ZNF697: variants seen among roughly 807,000 people sequenced by gnomAD.
ZNF697 encodes zinc finger protein 697.
ZNF697 carries 23 observed loss-of-function variants against 32.4 expected under a neutral mutation model. The ratio of observed to expected loss-of-function variants is 0.71; its 90% CI spans 0.51 to 1.01. The LOEUF (loss-of-function observed/expected upper bound fraction) is 1.01. Ranked by LOEUF, ZNF697 falls within the 50% of genes least tolerant of loss-of-function variation. The probability of loss-of-function intolerance (pLI) is 0.00; values close to 1 mark genes in which losing one functional copy is unlikely to be tolerated. For missense variants in ZNF697, 930 were observed against 794.0 expected (o/e 1.17, Z -2.06); for synonymous variants, 418 against 337.2 (o/e 1.24, Z -2.62).
At chr1:119,639,315 T>A (rs1649003686) in intron 1 of ZNF697, among the ~76,000 whole-genome samples, 1 of 152,204 alleles carries the variant, frequency 6.6e-6, no homozygotes, top group Admixed American at 6.5e-5. Context: ...ATGTCACTAC[T>A]GCATCAATCT....
rs200668798 is a variant in ZNF697 at position 119,623,993 on chromosome 1, C to A, written c.350G>T (p.Arg117Leu). The A allele has an allele frequency of 8.1e-6, 13 of 1,612,222 alleles. No individual in the cohort carries two copies. In the Admixed American group the frequency reaches 2.2e-4, roughly 27 times the overall value. ...CCCAGCACTCTCGTCGTCGTCCTCC[C>A]GGAGGCTCCGGGATATGCTGTCAGA... ...SESDSISRSL[R>L]EDDDESAGEN... The change falls in exon 3 of 3, where the codon CGG becomes CTG. Residue 117 changes from arginine (R) to leucine (L), a missense_variant. Coordinates refer to ENST00000421812, the MANE Select transcript of ZNF697 (RefSeq NM_001080470.2).
Position 119,623,458 on chromosome 1 carries a change from G to C in ZNF697, c.885C>G (p.Gly295=). 1 of 1,560,016 alleles carries C rather than the reference G, an allele frequency of 6.4e-7. No homozygotes were observed. Among genetic ancestry groups the C allele is most frequent in the Non-Finnish European group, 8.7e-7 (1 of 1,154,632 alleles). ...GGTCGGCGCGCCAGCTGAAGCTCTT[G>C]CCGCAGTCGGCGCACAGGTTGGGCC... The part of the protein sequence containing the change: ...GERPNLCADC[G]KSFSWRADLL... The change falls in exon 3 of 3, where the codon GGC becomes GGG. Residue 295 remains glycine (G), a synonymous_variant. Transcript: ENST00000421812.
intron 1 of ZNF697, among the ~76,000 whole-genome samples, chr1:119,637,366 G>A (rs1489267798): frequency 6.6e-6 from 1 of 152,206 alleles, no homozygotes; most frequent in African/African-American, 2.4e-5. Flanking sequence ...CCCCATATGG[G>A]AAGTTGTATA....
intron 1 of ZNF697, among the ~76,000 whole-genome samples, chr1:119,628,407 C>T (rs1293648119): frequency 2.0e-5 from 3 of 152,076 alleles, no homozygotes; most frequent in Admixed American, 6.5e-5. Context: ...AGATATTAAA[C>T]GTGGAAACAT....
At chr1:119,645,133 TAG>T (rs1229705759) in intron 1 of ZNF697, among the ~76,000 whole-genome samples, 3 of 152,218 alleles carry the variant, frequency 2.0e-5, no homozygotes, top group Non-Finnish European at 4.4e-5. Flanking sequence ...GTCCTTGTAC[TAG>T]ACACTGTGAT....
Position 119,623,909 on chromosome 1 carries a change from C to CGCCTCCAGGGAAGTA in ZNF697, c.419_433dup (p.Arg144_Arg145insLeuLeuProTrpArg). 6.4e-7 allele frequency: 1 copy of CGCCTCCAGGGAAGTA among 1,559,208 alleles called. No individual in the cohort carries two copies. The highest frequency in any genetic ancestry group is 1.2e-5 in the South Asian group (1 of 83,458). On this transcript the variant is annotated inframe_insertion, in exon 3 of 3. Transcript: ENST00000421812. ...GTGCCGACTCCCCAGGGAGAGATGT[C>CGCCTCCAGGGAAGTA]GCCTCCAGGGAAGTACGGGAGGGGC...
chr1:119,648,198 CTGGT>C lies in ZNF697; in HGVS notation c.-549_-546del, dbSNP rs1314067125. ...GGCCGCTGGGTGGCCCGCTGGCTGG[CTGGT>C]TGGCTGGCTGGCTGGCTGGCTGGCT... On this transcript the variant is annotated 5_prime_UTR_variant, in exon 1 of 3. Coordinates refer to ENST00000421812, the MANE Select transcript of ZNF697 (RefSeq NM_001080470.2). Among the ~76,000 whole-genome samples, 16 of 124,724 alleles carry C rather than the reference CTGGT, an allele frequency of 1.3e-4. No homozygotes were observed. In the East Asian group the frequency reaches 2.3e-3, roughly 18 times the overall value. 81.8% of individuals were successfully genotyped at this position (124,724 alleles called of 152,430 possible).
At chr1:119,639,556 C>T (rs984451081) in intron 1 of ZNF697, among the ~76,000 whole-genome samples, 15 of 152,200 alleles carry the variant, frequency 9.9e-5, no homozygotes, top group African/African-American at 3.4e-4. Flanking sequence ...TGTCCTTTTC[C>T]GGAGGCAGCA....
chr1:119,623,197 GCCGTGCGGCTTCTCGC>G lies in ZNF697; in HGVS notation c.1130_1145del (p.Gly377AlafsTer16), dbSNP rs1648412326. On this transcript the variant is annotated frameshift_variant, in exon 3 of 3. Coordinates refer to ENST00000421812, the MANE Select transcript of ZNF697 (RefSeq NM_001080470.2). LOFTEE classifies it high-confidence loss of function. ...TGAAGCGCTTGCCGCACTCGCCACAGCCGTGCGGCTTCTCGCCCGTGTGGATGCGCTGGTGGTTGGC... is the reference window on the plus strand; with the variant it reads ...TGAAGCGCTTGCCGCACTCGCCACAGCCGTGTGGATGCGCTGGTGGTTGGC... 6.4e-7 allele frequency: 1 copy of G among 1,558,088 alleles called. No homozygotes were observed. The highest frequency in any genetic ancestry group is 8.7e-7 in the Non-Finnish European group (1 of 1,148,422).
rs1648371375 is a variant in ZNF697 at position 119,622,638 on chromosome 1, T to G, written c.*67A>C. ...CCGCCCCTTCCCCACTTCCTTCCCCTGGGTCAGTCCCAGGATATCTACCCC... is the reference window on the plus strand; with the variant it reads ...CCGCCCCTTCCCCACTTCCTTCCCCGGGGTCAGTCCCAGGATATCTACCCC... On this transcript the variant is annotated 3_prime_UTR_variant, in exon 3 of 3. Transcript: ENST00000421812. The G allele has an allele frequency of 7.1e-7, 1 of 1,402,232 alleles. No individual in the cohort carries two copies. The highest frequency in any genetic ancestry group is 1.5e-5 in the African/African-American group (1 of 68,658). 86.9% of individuals were successfully genotyped at this position (1,402,232 alleles called of 1,614,324 possible).
chr1:119,627,639 T>G (rs1340970812), intron 1 of ZNF697, among the ~76,000 whole-genome samples: 3 of 152,178 alleles, frequency 2.0e-5, no homozygotes, highest in African/African-American at 7.2e-5. Flanking sequence ...ATCACCATAT[T>G]AGACTCTTTC....
intron 1 of ZNF697, among the ~76,000 whole-genome samples, chr1:119,637,595 C>G (rs1230774574): frequency 1.3e-5 from 2 of 152,212 alleles, no homozygotes; most frequent in Non-Finnish European, 2.9e-5. Flanking sequence ...GTTTAGTGCT[C>G]TGGCTTTAGT....
chr1:119,622,573 A>G lies in ZNF697; in HGVS notation c.*132T>C, dbSNP rs770606041. 6 of 1,417,082 alleles carry G rather than the reference A, an allele frequency of 4.2e-6. No homozygotes were observed. The highest frequency in any genetic ancestry group is 4.6e-6 in the Non-Finnish European group (5 of 1,086,308). The allele number at this position is 1,417,082 out of a possible 1,614,324, so 87.8% of individuals were successfully genotyped here. A position where few individuals can be genotyped will look rare whatever the true frequency, so the allele number is the denominator to read the frequency against. On this transcript the variant is annotated 3_prime_UTR_variant, in exon 3 of 3. Transcript: ENST00000421812. ...CACTCCTCCCACTTCAGGAAACCCC[A>G]AACACCAAAGGCTCCCCAGTCACTC...
intron 1 of ZNF697, among the ~76,000 whole-genome samples, chr1:119,640,007 G>A (rs1262648824): frequency 6.6e-6 from 1 of 152,168 alleles, no homozygotes; most frequent in Non-Finnish European, 1.5e-5. Context: ...CTACCTTATA[G>A]GGATAGTAAG....
intron 1 of ZNF697, among the ~76,000 whole-genome samples, chr1:119,645,731 T>C (rs1343221683): frequency 6.6e-6 from 1 of 152,140 alleles, no homozygotes; most frequent in Admixed American, 6.5e-5. Context: ...TTATATTAAC[T>C]CTACATAGTG....
rs1272315860 is a variant in ZNF697, at chr1:119,633,568, T to C, written c.-37-7431A>G. ...TTTGTTCTATTCAGGTTTCAGCTGA[T>C]TGGATGAGGCCCACCCACATTATGG... On this transcript the variant is annotated intron_variant, in intron 1 of 2. Coordinates refer to ENST00000421812, the MANE Select transcript of ZNF697 (RefSeq NM_001080470.2). Among the ~76,000 whole-genome samples the C allele has an allele frequency of 2.6e-5, 4 of 152,126 alleles. No homozygotes were observed. In the South Asian group the frequency reaches 6.2e-4, roughly 24 times the overall value.
At chr1:119,635,570 G>A (rs1243258339) in intron 1 of ZNF697, among the ~76,000 whole-genome samples, 1 of 152,182 alleles carries the variant, frequency 6.6e-6, no homozygotes, top group Non-Finnish European at 1.5e-5. Context: ...AGGGGTCCTA[G>A]TTGTGACAAT....
At chr1:119,631,986 G>A (rs587766169) in intron 1 of ZNF697, among the ~76,000 whole-genome samples, 42 of 152,312 alleles carry the variant, frequency 2.8e-4, no homozygotes, top group Admixed American at 8.5e-4. Flanking sequence ...TCAGCCTGCG[G>A]TTCAAAAGGC....
Position 119,626,013 on chromosome 1 carries a change from TGTCCTCAGA to T in ZNF697, c.79_87del (p.Ser27_Asp29del). The T allele has an allele frequency of 1.2e-6, 2 of 1,614,036 alleles. No homozygotes were observed. The highest frequency in any genetic ancestry group is 1.7e-6 in the Non-Finnish European group (2 of 1,179,896). Reference sequence around the variant, plus strand: ...TCTCTTTCTTCTGGGTCCCCTTCCCTGTCCTCAGAGTCCTCAAAATCAGAACCCATCCCT... The same window carrying T: ...TCTCTTTCTTCTGGGTCCCCTTCCCTGTCCTCAAAATCAGAACCCATCCCT... On this transcript the variant is annotated inframe_deletion, in exon 2 of 3. Transcript: ENST00000421812.
Sources: allele counts gnomAD v4.1 joint callset (sites outside exome capture counted in the v4.1 genomes callset), GRCh38; gene constraint gnomAD v4.1.1; transcripts MANE v1.5; gene names NCBI Gene and HGNC (gene_info 2026-07-23, HGNC 2026-07-21).